ARHGEF18: variants seen among roughly 807,000 people sequenced by gnomAD.
The protein encoded by ARHGEF18 is Rho/Rac guanine nucleotide exchange factor 18, also known as rho guanine nucleotide exchange factor 18.
A neutral mutation model predicts 155.7 loss-of-function variants in ARHGEF18; 93 were observed. The ratio of observed to expected loss-of-function variants is 0.60; its 90% CI spans 0.50 to 0.71. The LOEUF (loss-of-function observed/expected upper bound fraction) is 0.71, where lower values mean the gene tolerates loss of function less well. Ranked by LOEUF, ARHGEF18 falls within the 30% of genes least tolerant of loss-of-function variation. ARHGEF18 has a pLI of 0.00. For synonymous variants in ARHGEF18, 742 were observed against 753.1 expected, an observed-to-expected ratio of 0.99 and a Z score of 0.24; for missense variants, 1,593 against 1,816.1, an observed-to-expected ratio of 0.88 and a Z score of 2.23.
chr19:7,386,153 G>A (rs1971061778), intron 10 of ARHGEF18, among the ~76,000 whole-genome samples: 1 of 149,852 alleles, frequency 6.7e-6, no homozygotes, highest in Non-Finnish European at 1.5e-5. Context: ...ACAAATACCT[G>A]GGACCACATG....
intron 10 of ARHGEF18, among the ~76,000 whole-genome samples, chr19:7,418,740 C>A (rs1393843302): frequency 6.6e-6 from 1 of 152,096 alleles, no homozygotes; most frequent in African/African-American, 2.4e-5. Flanking sequence ...CCTGCCCTCT[C>A]TGCCCCGGCC....
intron 1 of ARHGEF18, 124 bp from the exon 2 acceptor site, chr19:7,362,657 C>A (rs1969679360): frequency 6.6e-6 from 6 of 902,622 alleles, no homozygotes; most frequent in Non-Finnish European, 8.7e-6. Context: ...CTCCCCTCAC[C>A]AACTCATTTT....
chr19:7,416,889 CA>C (rs1166532585), intron 10 of ARHGEF18, among the ~76,000 whole-genome samples: 9 of 151,902 alleles, frequency 5.9e-5, no homozygotes, highest in Admixed American at 5.3e-4. Context: ...AGGCGTGAGC[CA>C]CCATGCCCGG....
At chr19:7,475,525 AAC>A (rs145950630), downstream of ARHGEF18, among the ~76,000 whole-genome samples, 261 of 150,400 alleles carry the variant, frequency 1.7e-3, no homozygotes, top group African/African-American at 2.8e-3. Flanking sequence ...AAACTGTTTA[AAC>A]ACACACACAC....
chr19:7,442,324 C>T (rs1437018879), intron 13 of ARHGEF18, among the ~76,000 whole-genome samples: 1 of 151,994 alleles, frequency 6.6e-6, no homozygotes, highest in Admixed American at 6.6e-5. Context: ...GCAGCCTCGA[C>T]CTGGGCTCAA....
chr19:7,467,764 A>G lies in ARHGEF18; in HGVS notation c.3480+80A>G. The G allele has an allele frequency of 2.9e-6, 4 of 1,361,696 alleles. 1 individual carries two copies. The South Asian group carries it at 4.7e-5, about 16-fold the overall frequency. 84.4% of individuals were successfully genotyped at this position (1,361,696 alleles called of 1,614,324 possible). Reference sequence around the variant, plus strand: ...ATTTGCACGAGTGCATGCAGGTGACAGGGTTCGCGGGTGCATGCGTGCAGG... The same window carrying G: ...ATTTGCACGAGTGCATGCAGGTGACGGGGTTCGCGGGTGCATGCGTGCAGG... On this transcript the variant is annotated intron_variant, in intron 26 of 28. Coordinates refer to ENST00000668164, the MANE Select transcript of ARHGEF18 (RefSeq NM_001367823.1).
chr19:7,428,807 C>T (rs747128935), intron 10 of ARHGEF18, among the ~76,000 whole-genome samples: 12 of 152,216 alleles, frequency 7.9e-5, no homozygotes, highest in Non-Finnish European at 1.6e-4. Flanking sequence ...GTGCTCCCCG[C>T]CCTGCCCGAC....
Position 7,469,893 on chromosome 19 carries a change from C to T in ARHGEF18, c.3788-11C>T, listed in dbSNP as rs890792201. The T allele has an allele frequency of 1.6e-5, 25 of 1,612,160 alleles. No individual in the cohort carries two copies. The highest frequency in any genetic ancestry group is 2.0e-5 in the Non-Finnish European group (24 of 1,179,546). ...AGCCTGGAGCTGGCCCAAATACCTT[C>T]TCTCTTCCAGCGTCCTTCGACCTGA... On this transcript the variant is annotated splice_polypyrimidine_tract_variant and intron_variant, in intron 27 of 28. Transcript: ENST00000668164.
chr19:7,373,175 G>A (rs377224170), intron 3 of ARHGEF18, 104 bp downstream of exon 3: 2 of 1,220,596 alleles, frequency 1.6e-6, no homozygotes, highest in Non-Finnish European at 2.0e-6. Context: ...CCTTGCACCT[G>A]CCGTGGTCCC....
In ARHGEF18 at chr19:7,463,864, C is replaced by A. The variant is rs368917583; in HGVS notation, c.2682C>A (p.Asn894Lys). The A allele has an allele frequency of 1.2e-6, 2 of 1,605,148 alleles. No homozygotes were observed. Among genetic ancestry groups the A allele is most frequent in the Middle Eastern group, 1.7e-4 (1 of 6,042 alleles). ...SLICRQLGSANGQAEDGGSST... is the reference protein window; with the variant it reads ...SLICRQLGSAKGQAEDGGSST... The stretch of plus-strand genomic sequence containing the variant: ...TCTGCAGGCAGCTGGGCAGCGCCAA[C>A]GGCCAGGCGGAAGACGGAGGCAGCT... Residue 894 changes from asparagine (N) to lysine (K), a missense_variant, in exon 22 of 29, where the codon AAC (asparagine) becomes AAA (lysine). Transcript: ENST00000668164. This position sits in a 1 kb window ranked among gnomAD's most constrained non-coding sequence, Gnocchi z 5.2.
At chr19:7,363,843 G>C (rs1969747736) in intron 2 of ARHGEF18, among the ~76,000 whole-genome samples, 1 of 149,942 alleles carries the variant, frequency 6.7e-6, no homozygotes, top group Non-Finnish European at 1.5e-5. Context: ...TGAGAAGAAG[G>C]GTGAGTGAAA....
At chr19:7,430,908 A>G (rs1258832613) in intron 10 of ARHGEF18, among the ~76,000 whole-genome samples, 1 of 152,056 alleles carries the variant, frequency 6.6e-6, no homozygotes, top group African/African-American at 2.4e-5. Context: ...CATAACAAAA[A>G]TGAACTCCAG....
At position 7,373,023 on chromosome 19, in the gene ARHGEF18, G is replaced by GAT; in HGVS notation, c.227_228insAT (p.Arg77CysfsTer40). The GAT allele has an allele frequency of 8.1e-7, 1 of 1,234,418 alleles. No individual in the cohort carries two copies. Among genetic ancestry groups the GAT allele is most frequent in the South Asian group, 4.1e-5 (1 of 24,410 alleles). 76.5% of individuals were successfully genotyped at this position (1,234,418 alleles called of 1,614,324 possible). ...TTGGCAGGGTCCCAAGACCTGTCAA[G>GAT]GCGGCGCAGCTGGGAAAGGTCGCGG... is the stretch of plus-strand genomic sequence containing the variant. On this transcript the variant is annotated frameshift_variant, in exon 3 of 29. Transcript: ENST00000668164. LOFTEE classifies it high-confidence loss of function.
chr19:7,443,747 C>T (rs935154971), intron 13 of ARHGEF18, among the ~76,000 whole-genome samples: 2 of 152,026 alleles, frequency 1.3e-5, no homozygotes, highest in African/African-American at 4.8e-5. Flanking sequence ...CTTCCTAAAA[C>T]AGACTTGATA....
At chr19:7,449,055 G>A (rs1180741892) in intron 15 of ARHGEF18, among the ~76,000 whole-genome samples, 1 of 151,988 alleles carries the variant, frequency 6.6e-6, no homozygotes, top group African/African-American at 2.4e-5. Flanking sequence ...GATCGTTTTG[G>A]AGCCGCAGTT....
chr19:7,418,373 C>T (rs2145659645), intron 10 of ARHGEF18, among the ~76,000 whole-genome samples: 1 of 152,242 alleles, frequency 6.6e-6, no homozygotes, highest in Admixed American at 6.5e-5. Flanking sequence ...ATCCTCCTGC[C>T]TCAGCCCCCC....
intron 7 of ARHGEF18, 123 bp from the exon 8 acceptor site, chr19:7,380,794 G>GT (rs1970698679): frequency 2.1e-6 from 1 of 479,600 alleles, no homozygotes; most frequent in Non-Finnish European, 3.3e-6. Flanking sequence ...CAAGCCCAGA[G>GT]TGTCAAGGAC....
At chr19:7,449,075 C>T (rs1975193772) in intron 15 of ARHGEF18, among the ~76,000 whole-genome samples, 1 of 152,068 alleles carries the variant, frequency 6.6e-6, no homozygotes, top group African/African-American at 2.4e-5. Flanking sequence ...TCCTCAAAGC[C>T]AGGAGGGGGA....
intron 7 of ARHGEF18, among the ~76,000 whole-genome samples, chr19:7,380,540 C>T (rs1970686717): frequency 2.0e-5 from 3 of 151,196 alleles, no homozygotes; most frequent in African/African-American, 4.9e-5. Flanking sequence ...AAAAATTAGC[C>T]AGGCATGGTG....
Sources: gnomAD v4.1 joint callset for allele counts (sites outside exome capture counted in the v4.1 genomes callset) on GRCh38, gnomAD v4.1.1 for gene constraint, Gnocchi (gnomAD v3.1) non-coding constraint, MANE v1.5 for transcripts, NCBI Gene and HGNC (gene_info 2026-07-23, HGNC 2026-07-21) for gene names.